Variants in CPLANE1 observed in about 807,000 individuals in gnomAD.
CPLANE1 encodes the protein ciliogenesis and planar polarity effector complex subunit 1.
In CPLANE1, 263 loss-of-function variants were observed where a neutral mutation model predicts 362.5. That is an observed-to-expected ratio of 0.73 (90% CI 0.66 to 0.80). The LOEUF is 0.80. CPLANE1 is among the 30% of genes least tolerant of loss of function. The probability of loss-of-function intolerance (pLI) is 0.00; values close to 1 mark genes in which losing one functional copy is unlikely to be tolerated. For synonymous variants in CPLANE1, 1,212 were observed against 1,302.6 expected (o/e 0.93, Z 1.50); for missense variants, 3,461 against 3,793.4 (o/e 0.91, Z 2.30).
At chr5:37,197,024 A>T (rs1469141334) in intron 20 of CPLANE1, among the ~76,000 whole-genome samples, 1 of 152,194 alleles carries the variant, frequency 6.6e-6, no homozygotes, top group Non-Finnish European at 1.5e-5. Flanking sequence ...TACAGGGGTA[A>T]AAAAAGGAAA....
At chr5:37,081,109 C>T in the CPLANE1 span, among the ~76,000 whole-genome samples, 1 of 152,052 alleles carries the variant, frequency 6.6e-6, no homozygotes, top group African/African-American at 2.4e-5. Context: ...GAGTTCAAGA[C>T]AAGCCTGGAA....
chr5:37,200,165 C>T (rs918599065), intron 19 of CPLANE1, among the ~76,000 whole-genome samples: 4 of 152,182 alleles, frequency 2.6e-5, no homozygotes, highest in Admixed American at 1.3e-4. Flanking sequence ...TTCTTCATCA[C>T]GTGAACCAAT....
At chr5:37,086,539 T>A in the CPLANE1 span, among the ~76,000 whole-genome samples, 9 of 152,326 alleles carry the variant, frequency 5.9e-5, no homozygotes, top group African/African-American at 9.6e-5. Flanking sequence ...TTAACAGGAA[T>A]GTAGAGTAGT....
intron 29 of CPLANE1, 80 bp downstream of exon 29, chr5:37,179,281 A>T: frequency 1.1e-6 from 1 of 914,224 alleles, no homozygotes; most frequent in Non-Finnish European, 1.7e-6. Flanking sequence ...ATATTTAATA[A>T]CAATGAATAA....
At chr5:37,100,435 T>G in the CPLANE1 span, among the ~76,000 whole-genome samples, 1 of 152,154 alleles carries the variant, frequency 6.6e-6, no homozygotes, top group Admixed American at 6.5e-5. Context: ...GTGGTCTTAT[T>G]TTTGAGTTCT....
downstream of CPLANE1, among the ~76,000 whole-genome samples, chr5:37,104,794 G>C (rs1212203435): frequency 6.6e-6 from 1 of 151,586 alleles, no homozygotes; most frequent in African/African-American, 2.4e-5. Flanking sequence ...ATGGTGGCAG[G>C]CGCCTGTAGT....
In CPLANE1 at chr5:37,245,760, C is replaced by T; in HGVS notation, c.167G>A (p.Ser56Asn). 1 of 1,538,610 alleles carries T rather than the reference C, an allele frequency of 6.5e-7. No individual in the cohort carries two copies. Among genetic ancestry groups the T allele is most frequent in the South Asian group, 1.3e-5 (1 of 79,526 alleles). ...LSGKIKKKIP[S>N]LQPFLKDVIV... ...AACATCCTTCAAGAAAGGCTGCAGA[C>T]TAGGAATTTTCTTCTTTATCTTTCC... The change falls in exon 3 of 53, where the codon AGT (serine) becomes AAT (asparagine). Residue 56 changes from serine to asparagine, a missense_variant. This residue lies in a region of CPLANE1 where 3,380 missense variants were observed against 3,666.1 expected (regional missense o/e 0.92). Transcript: ENST00000651892.
rs541733163 is a variant in CPLANE1, at chr5:37,241,897, T to A, written c.677+1116A>T. 2.6e-5 allele frequency among the ~76,000 whole-genome samples: 4 copies of A among 152,224 alleles called. No individual in the cohort carries two copies. In the East Asian group the frequency reaches 7.8e-4, roughly 30 times the overall value. ...CTCCTGCCTCGGCCTCCCAGAGTGC[T>A]GGGATTACAGGCATCCACCACCACA... is the stretch of plus-strand genomic sequence containing the variant. On this transcript the variant is annotated intron_variant, in intron 6 of 52. Transcript: ENST00000651892.
chr5:37,219,311 C>T (rs760682271), intron 15 of CPLANE1, among the ~76,000 whole-genome samples: 29 of 151,986 alleles, frequency 1.9e-4, no homozygotes, highest in African/African-American at 6.8e-4. Flanking sequence ...GTGTGGATCA[C>T]GAGGTCAGGA....
intron 46 of CPLANE1, among the ~76,000 whole-genome samples, chr5:37,132,490 G>T (rs529454287): frequency 6.6e-6 from 1 of 151,744 alleles, no homozygotes; most frequent in Admixed American, 6.6e-5. Context: ...GACTACAGGC[G>T]CCCGCCACCA....
chr5:37,238,996 A>G, intron 7 of CPLANE1, 36 bp from the exon 8 acceptor site: 2 of 1,039,552 alleles, frequency 1.9e-6, no homozygotes, highest in Non-Finnish European at 2.8e-6. Flanking sequence ...AACTATTAAA[A>G]TTATTTTACT....
At chr5:37,234,485 C>A (rs1458609749) in intron 8 of CPLANE1, among the ~76,000 whole-genome samples, 6 of 146,020 alleles carry the variant, frequency 4.1e-5, no homozygotes, top group African/African-American at 1.5e-4. Flanking sequence ...AAGAAAGAAT[C>A]TCAGTCAGAC....
At position 37,221,482 on chromosome 5, in the gene CPLANE1, C is replaced by T. The variant is rs1446725726; in HGVS notation, c.2588G>A (p.Arg863Lys). 6.7e-6 allele frequency: 10 copies of T among 1,494,910 alleles called. No individual in the cohort carries two copies. In the South Asian group the frequency reaches 1.4e-4, roughly 20 times the overall value. 92.6% of individuals were successfully genotyped at this position (1,494,910 alleles called of 1,614,324 possible). A position where few individuals can be genotyped will look rare whatever the true frequency, so the allele number is the denominator to read the frequency against. ...GCGTATCTGAAGAAAATACGTCCTT[C>T]TTCCTCCTGAAACAAGAAGTAAGCT... Reference protein sequence around the residue: ...ALQEIEEKGGRRTYFLQIRYY... With the variant: ...ALQEIEEKGGKRTYFLQIRYY... Residue 863 changes from arginine (R) to lysine (K), a missense_variant, in exon 15 of 53, where the codon AGA becomes AAA. By Grantham distance (26) the Arg-to-Lys change is conservative (BLOSUM62 2). Coordinates refer to ENST00000651892, the MANE Select transcript of CPLANE1 (RefSeq NM_001384732.1).
At chr5:37,165,389 G>A (rs1027380980) in intron 36 of CPLANE1, 150 bp downstream of exon 36, 2 of 720,346 alleles carry the variant, frequency 2.8e-6, no homozygotes, top group Non-Finnish European at 4.6e-6. Context: ...TCTGTGGAGG[G>A]AGGCAGCAGG....
intron 47 of CPLANE1, chr5:37,124,791 T>C (rs1023845328): frequency 2.4e-5 from 15 of 626,794 alleles, no homozygotes; most frequent in Admixed American, 1.3e-4. Context: ...TGGTCACAAG[T>C]GATCCTCTCA....
In CPLANE1 at chr5:37,153,848, A is replaced by G; in HGVS notation, c.8265T>C (p.Ser2755=). ...GCTCGTCAATTTTCTGAAGCTTAGCACTGAGATGCTCTAGTTGGTGAGCTG... is the reference window on the plus strand; with the variant it reads ...GCTCGTCAATTTTCTGAAGCTTAGCGCTGAGATGCTCTAGTTGGTGAGCTG... ...SSAAHQLEHL[S]AKLQKIDEQL... The change falls in exon 42 of 53, where the codon AGT becomes AGC. Residue 2755 remains serine, a synonymous_variant. Coordinates refer to ENST00000651892, the MANE Select transcript of CPLANE1 (RefSeq NM_001384732.1). The G allele has an allele frequency of 3.1e-6, 5 of 1,614,130 alleles. No homozygotes were observed. The highest frequency in any genetic ancestry group is 4.2e-6 in the Non-Finnish European group (5 of 1,180,018).
Position 37,195,860 on chromosome 5 carries a change from A to G in CPLANE1, c.3809T>C (p.Ile1270Thr), listed in dbSNP as rs1466483851. Residue 1270 changes from isoleucine (I) to threonine (T), a missense_variant and splice_region_variant, in exon 21 of 53, where the codon ATA becomes ACA. Transcript: ENST00000651892. The part of the protein sequence containing the change: ...HKLDEVSIRA[I>T]GCFRELCALC... ...CAAGCAGTTCATTTTGGACAAACCT[A>G]TTGCTCTAATGGAAACTTCATCAAG... 5 of 1,606,708 alleles carry G rather than the reference A, an allele frequency of 3.1e-6. No individual in the cohort carries two copies. Among genetic ancestry groups the G allele is most frequent in the Non-Finnish European group, 4.2e-6 (5 of 1,177,926 alleles).
chr5:37,134,722 C>T (rs1010382252), intron 46 of CPLANE1, among the ~76,000 whole-genome samples: 2 of 150,056 alleles, frequency 1.3e-5, no homozygotes, highest in African/African-American at 2.4e-5. Flanking sequence ...TTCCTCTAGG[C>T]GTGATGTTAG....
At position 37,182,920 on chromosome 5, in the gene CPLANE1, G is replaced by A; in HGVS notation, c.5261C>T (p.Ser1754Phe). ...AGAATCACAGAGTAGCCTTCTATTA[G>A]ACCACCTTATCATCCATTCCAGCAG... Reference protein sequence around the residue: ...GRLLEWMIRWSNRRLLCDSGI... With the variant: ...GRLLEWMIRWFNRRLLCDSGI... Residue 1754 changes from serine to phenylalanine, a missense_variant, in exon 26 of 53, where the codon TCT becomes TTT. Around this residue, in one of 2 missense-constraint regions of CPLANE1, gnomAD observed 3,380 missense variants for 3,666.1 expected, o/e 0.92. Coordinates refer to ENST00000651892, the MANE Select transcript of CPLANE1 (RefSeq NM_001384732.1). 6.2e-7 allele frequency: 1 copy of A among 1,605,902 alleles called. No individual in the cohort carries two copies. The highest frequency in any genetic ancestry group is 1.1e-5 in the South Asian group (1 of 89,310).
Sources: gnomAD v4.1 joint callset for allele counts (sites outside exome capture counted in the v4.1 genomes callset) on GRCh38, gnomAD v4.1.1 for gene constraint, gnomAD v4.1.1 regional missense constraint, MANE v1.5 for transcripts, NCBI Gene and HGNC (gene_info 2026-07-23, HGNC 2026-07-21) for gene names.